KNTC1: variants seen among roughly 807,000 people sequenced by gnomAD.
KNTC1 encodes the protein kinetochore-associated protein 1.
KNTC1 carries 253 observed loss-of-function variants against 314.4 expected under a neutral mutation model. That is an observed-to-expected ratio of 0.80 (90% CI 0.73 to 0.89). KNTC1 has a LOEUF of 0.89. KNTC1 is among the 40% of genes least tolerant of loss of function. KNTC1 has a pLI of 0.00. For missense variants in KNTC1, 2,475 were observed against 2,572.9 expected, an observed-to-expected ratio of 0.96 and a Z score of 0.82; for synonymous variants, 901 against 901.4, an observed-to-expected ratio of 1.00 and a Z score of 0.01.
rs185372865 is a variant in KNTC1 at position 122,566,188 on chromosome 12, G to A, written c.1605-2073G>A. ...GAACTCCTGACCTCGTAATCTGCCCGCGTCAGCCTCCCAAAGTGCTGGGAT... is the reference window on the plus strand; with the variant it reads ...GAACTCCTGACCTCGTAATCTGCCCACGTCAGCCTCCCAAAGTGCTGGGAT... On this transcript the variant is annotated intron_variant, in intron 20 of 63. Transcript: ENST00000333479. Among the ~76,000 whole-genome samples the A allele has an allele frequency of 4.6e-5, 7 of 151,454 alleles. No homozygotes were observed. In the East Asian group the frequency reaches 1.2e-3, roughly 25 times the overall value.
intron 21 of KNTC1, among the ~76,000 whole-genome samples, chr12:122,569,209 CT>C (rs1964532645): frequency 6.6e-6 from 1 of 152,174 alleles, no homozygotes; most frequent in South Asian, 2.1e-4. Context: ...AACATGTTAT[CT>C]GGTTTATTAG....
chr12:122,549,663 GC>G (rs1227379588), intron 12 of KNTC1, 102 bp from the exon 13 acceptor site: 1 of 673,130 alleles, frequency 1.5e-6, no homozygotes, highest in African/African-American at 1.8e-5. Context: ...ACCACGCCCA[GC>G]CGCTCCCATG....
rs760751062 is a variant in KNTC1, at chr12:122,552,651, A to G, written c.1272+955A>G. Among the ~76,000 whole-genome samples the G allele has an allele frequency of 1.2e-3, 179 of 152,268 alleles. 1 individual carries two copies. The highest frequency in any genetic ancestry group is 2.1e-3 in the Non-Finnish European group (143 of 68,010). ...AGTTTTGAGATTACAGTCCTAAGCC[A>G]CCACTTGTGGCCAGGAGTGAGATTT... On this transcript the variant is annotated intron_variant, in intron 16 of 63. Coordinates refer to ENST00000333479, the MANE Select transcript of KNTC1 (RefSeq NM_014708.6).
intron 16 of KNTC1, 67 bp downstream of exon 16, chr12:122,551,763 C>A: frequency 9.0e-7 from 1 of 1,106,692 alleles, no homozygotes; most frequent in Non-Finnish European, 1.4e-6. Context: ...GCTGAGAGGA[C>A]AGACATGTAA....
intron 31 of KNTC1, among the ~76,000 whole-genome samples, chr12:122,579,477 A>G (rs940625852): frequency 6.6e-6 from 1 of 150,796 alleles, no homozygotes; most frequent in African/African-American, 2.5e-5. Flanking sequence ...TCTTTTAATT[A>G]AAGCATCTCC....
At chr12:122,614,483 C>T (rs1873545517) in intron 55 of KNTC1, among the ~76,000 whole-genome samples, 3 of 152,148 alleles carry the variant, frequency 2.0e-5, no homozygotes, top group Admixed American at 2.0e-4. Context: ...AAGGGGGAGA[C>T]ATCCGAGGTG....
At chr12:122,540,509 A>C (rs1962220962) in intron 5 of KNTC1, among the ~76,000 whole-genome samples, 1 of 152,100 alleles carries the variant, frequency 6.6e-6, no homozygotes, top group Non-Finnish European at 1.5e-5. Flanking sequence ...ATATTGTAAG[A>C]AACAATTTTT....
At chr12:122,577,112 C>T in intron 30 of KNTC1, 83 bp downstream of exon 30, 1 of 1,095,840 alleles carries the variant, frequency 9.1e-7, no homozygotes, top group Non-Finnish European at 1.2e-6. Context: ...GGGTCTCGCT[C>T]CATTGCCCAG....
intron 20 of KNTC1, among the ~76,000 whole-genome samples, chr12:122,565,231 T>A: frequency 6.9e-6 from 1 of 145,656 alleles, no homozygotes. Context: ...TCCCTCTTTC[T>A]CTTGAGTTGT....
rs751637837 is a variant in KNTC1, at chr12:122,547,604, C to A, written c.932+74C>A. On this transcript the variant is annotated intron_variant, in intron 11 of 63. Transcript: ENST00000333479. ...GTATCTTGTCTGGTTTTGTTCAGGT[C>A]ATTTATTATGTTTTACATTCTAAAC... 5 of 957,170 alleles carry A rather than the reference C, an allele frequency of 5.2e-6. No homozygotes were observed. The South Asian group carries it at 5.7e-5, about 11-fold the overall frequency. The allele number at this position is 957,170 out of a possible 1,614,324, so 59.3% of individuals were successfully genotyped here. A position where few individuals can be genotyped will look rare whatever the true frequency, so the allele number is the denominator to read the frequency against.
At chr12:122,605,112 T>G (rs754167513) in intron 50 of KNTC1, 25 bp downstream of exon 50, 1 of 1,572,514 alleles carries the variant, frequency 6.4e-7, no homozygotes, top group Non-Finnish European at 8.7e-7. Flanking sequence ...ATTTTTTTGT[T>G]GTCCAAGAAA....
chr12:122,555,662 A>G (rs1284305290), intron 16 of KNTC1, among the ~76,000 whole-genome samples: 1 of 152,172 alleles, frequency 6.6e-6, no homozygotes, highest in Non-Finnish European at 1.5e-5. Flanking sequence ...ATCCTGGCTA[A>G]CACGATGAAA....
intron 43 of KNTC1, among the ~76,000 whole-genome samples, chr12:122,596,941 T>C (rs987398531): frequency 2.6e-5 from 4 of 152,204 alleles, no homozygotes; most frequent in African/African-American, 9.6e-5. Flanking sequence ...TCTTTTCTTT[T>C]ACTAATTTTG....
intron 43 of KNTC1, 144 bp from the exon 44 acceptor site, chr12:122,597,587 C>G: frequency 2.9e-6 from 2 of 687,530 alleles, no homozygotes; most frequent in Admixed American, 2.3e-5. Flanking sequence ...GCTTTGATGA[C>G]AGGTAGTTTG....
chr12:122,597,988 C>T (rs1566001963), intron 44 of KNTC1, 50 bp downstream of exon 44: 1 of 1,399,886 alleles, frequency 7.1e-7, no homozygotes, highest in Non-Finnish European at 1.0e-6. Flanking sequence ...CCCTCCCACC[C>T]TTAATAATTA....
chr12:122,549,276 C>T (rs796670530), intron 12 of KNTC1, among the ~76,000 whole-genome samples: 7 of 152,220 alleles, frequency 4.6e-5, no homozygotes, highest in African/African-American at 1.7e-4. Flanking sequence ...AGGCTGGTCT[C>T]CAACTCCTGA....
In KNTC1 at chr12:122,584,287, T is replaced by G. The variant is rs1049571119; in HGVS notation, c.3273T>G (p.Phe1091Leu). ...KTALKKCSDL[F>L]KYHCNADTGK... ...TTTCTTTCTTCCAAAGCGACTTGTT[T>G]AAGTATCACTGCAATGCTGACACTG... is the stretch of plus-strand genomic sequence containing the variant. Residue 1091 changes from phenylalanine (F) to leucine (L), a missense_variant, in exon 35 of 64, where the codon TTT (phenylalanine) becomes TTG (leucine). Transcript: ENST00000333479. 4.3e-6 allele frequency: 7 copies of G among 1,609,770 alleles called. No individual in the cohort carries two copies. Among genetic ancestry groups the G allele is most frequent in the Non-Finnish European group, 5.9e-6 (7 of 1,177,480 alleles).
chr12:122,604,497 A>G (rs1263393311), intron 48 of KNTC1, 67 bp from the exon 49 acceptor site: 1 of 955,300 alleles, frequency 1.0e-6, no homozygotes, highest in Admixed American at 2.6e-5. Context: ...TGACCAAAAT[A>G]CATTTTCTTG....
intron 60 of KNTC1, 58 bp from the exon 61 acceptor site, chr12:122,621,822 CT>C: frequency 8.9e-7 from 1 of 1,117,514 alleles, no homozygotes; most frequent in South Asian, 1.4e-5. Context: ...ATCAACGGCT[CT>C]TGCTGTTGGA....
Sources: allele counts gnomAD v4.1 joint callset (sites outside exome capture counted in the v4.1 genomes callset), GRCh38; gene constraint gnomAD v4.1.1; transcripts MANE v1.5; gene names NCBI Gene and HGNC (gene_info 2026-07-23, HGNC 2026-07-21).